The following TMEM45A variants were observed in gnomAD, a reference collection of about 807,000 sequenced individuals.
TMEM45A encodes transmembrane protein 45A.
In TMEM45A, 25 loss-of-function variants were observed where a neutral mutation model predicts 32.0. That is an observed-to-expected ratio of 0.78 (90% CI 0.57 to 1.09). The LOEUF is 1.09. TMEM45A is among the 50% of genes least tolerant of loss of function. TMEM45A has a pLI of 0.00. For missense variants in TMEM45A, 302 were observed against 325.0 expected, an observed-to-expected ratio of 0.93 and a Z score of 0.54; for synonymous variants, 122 against 114.8, an observed-to-expected ratio of 1.06 and a Z score of -0.40.
chr3:100,575,996 C>T (rs1384117630), intron 5 of TMEM45A, among the ~76,000 whole-genome samples: 1 of 152,156 alleles, frequency 6.6e-6, no homozygotes, highest in African/African-American at 2.4e-5. Flanking sequence ...CACAGCCCAG[C>T]GATTCTCTTA....
chr3:100,552,431 C>A (rs1367890953), intron 1 of TMEM45A, among the ~76,000 whole-genome samples: 1 of 152,180 alleles, frequency 6.6e-6, no homozygotes, highest in Non-Finnish European at 1.5e-5. Context: ...GGAAGGATTT[C>A]TCCAAGCAGG....
Position 100,558,549 on chromosome 3 carries a change from G to A in TMEM45A, c.548G>A (p.Arg183Gln), listed in dbSNP as rs868556710. The part of the protein sequence containing the change: ...VRNNVLLELL[R>Q]SSLILLQGSW... The stretch of plus-strand genomic sequence containing the variant: ...AACAATGTACTTCTGGAGCTATTGC[G>A]GTCAAGTCTCATTCTGCTTCAGGGG... The change falls in exon 4 of 6, where the codon CGG (arginine) becomes CAG (glutamine). Residue 183 changes from arginine to glutamine, a missense_variant. By Grantham distance (43) the Arg-to-Gln change is conservative. Transcript: ENST00000323523. The A allele has an allele frequency of 1.2e-5, 20 of 1,613,956 alleles. No individual in the cohort carries two copies. The highest frequency in any genetic ancestry group is 1.6e-5 in the Non-Finnish European group (19 of 1,179,986).
chr3:100,568,113 G>A (rs1196641019), intron 4 of TMEM45A, among the ~76,000 whole-genome samples: 1 of 152,058 alleles, frequency 6.6e-6, no homozygotes, highest in Non-Finnish European at 1.5e-5. Context: ...TTATTTTTGA[G>A]TTCATTGCTT....
intron 1 of TMEM45A, among the ~76,000 whole-genome samples, chr3:100,514,398 G>C (rs1273591282): frequency 4.6e-5 from 7 of 152,056 alleles, no homozygotes; most frequent in Non-Finnish European, 8.8e-5. Flanking sequence ...TTTAATATAT[G>C]GTGCTGGGAA....
At chr3:100,525,819 A>G (rs555439717) in intron 1 of TMEM45A, among the ~76,000 whole-genome samples, 1 of 152,312 alleles carries the variant, frequency 6.6e-6, no homozygotes, top group East Asian at 1.9e-4. Flanking sequence ...CAGGACAGGC[A>G]TGTGCTCTAG....
At chr3:100,495,233 T>G (rs1294594111) in intron 1 of TMEM45A, among the ~76,000 whole-genome samples, 1 of 152,166 alleles carries the variant, frequency 6.6e-6, no homozygotes, top group Non-Finnish European at 1.5e-5. Flanking sequence ...GGTTCTGAAA[T>G]GCAGGGAATA....
chr3:100,511,808 G>A (rs922857747), intron 1 of TMEM45A, among the ~76,000 whole-genome samples: 6 of 151,972 alleles, frequency 3.9e-5, no homozygotes, highest in African/African-American at 1.5e-4. Flanking sequence ...AACAAAAAAA[G>A]GCAGGGGTTG....
At chr3:100,496,126 A>G (rs1335973289) in intron 1 of TMEM45A, among the ~76,000 whole-genome samples, 1 of 152,148 alleles carries the variant, frequency 6.6e-6, no homozygotes, top group Non-Finnish European at 1.5e-5. Context: ...TTCAGGCAAG[A>G]CATTGAACCC....
chr3:100,547,570 TGAG>T (rs144254352), intron 1 of TMEM45A, among the ~76,000 whole-genome samples: 43 of 151,484 alleles, frequency 2.8e-4, no homozygotes, highest in Middle Eastern at 3.4e-3. Flanking sequence ...TTGAATAGGC[TGAG>T]GAGGAGGAGG....
intron 1 of TMEM45A, among the ~76,000 whole-genome samples, chr3:100,523,794 T>TCTCCTTCTC (rs1705486781): frequency 1.8e-5 from 2 of 112,328 alleles, no homozygotes; most frequent in African/African-American, 4.2e-5. Context: ...TCCTCCTTCT[T>TCTCCTTCTC]CTCCTTCTCC....
At chr3:100,535,397 A>G (rs752692690) in intron 1 of TMEM45A, among the ~76,000 whole-genome samples, 29 of 152,140 alleles carry the variant, frequency 1.9e-4, no homozygotes, top group Admixed American at 1.6e-3. Flanking sequence ...TAAATTTCCC[A>G]ACACCAAGAG....
At chr3:100,568,272 CTCTT>C in intron 4 of TMEM45A, among the ~76,000 whole-genome samples, 1 of 152,112 alleles carries the variant, frequency 6.6e-6, no homozygotes, top group South Asian at 2.1e-4. Flanking sequence ...ATATTTTTGC[CTCTT>C]TCTTTCCAGT....
At chr3:100,494,824 G>A (rs1344894032) in intron 1 of TMEM45A, among the ~76,000 whole-genome samples, 3 of 152,096 alleles carry the variant, frequency 2.0e-5, no homozygotes, top group Admixed American at 2.0e-4. Flanking sequence ...AAGTTACTCA[G>A]CCCCCCTGTG....
In TMEM45A at chr3:100,556,929, G is replaced by T. The variant is rs1172888120; in HGVS notation, c.360G>T (p.Val120=). ...ILCFTISSLP[V]SLTKLMLSNA... ...GTTTCACCATCAGTTCACTTCCTGT[G>T]TCCTTAACCAAGTTAATGTTGTCAA... The change falls in exon 3 of 6, where the codon GTG becomes GTT. Residue 120 remains valine, a synonymous_variant. Coordinates refer to ENST00000323523, the MANE Select transcript of TMEM45A (RefSeq NM_018004.3). The T allele has an allele frequency of 7.4e-6, 12 of 1,614,066 alleles. No homozygotes were observed. The highest frequency in any genetic ancestry group is 1.0e-5 in the Non-Finnish European group (12 of 1,180,030).
At chr3:100,508,330 A>G (rs1342584632) in intron 1 of TMEM45A, among the ~76,000 whole-genome samples, 2 of 152,172 alleles carry the variant, frequency 1.3e-5, no homozygotes, top group South Asian at 2.1e-4. Flanking sequence ...GCCCGACAAG[A>G]CTGCATCTTG....
intron 4 of TMEM45A, among the ~76,000 whole-genome samples, chr3:100,566,247 T>C (rs1706435695): frequency 1.3e-5 from 2 of 152,182 alleles, no homozygotes; most frequent in African/African-American, 4.8e-5. Context: ...CAAGTTTTGT[T>C]TGAATACCTA....
At chr3:100,564,980 A>G (rs1195668512) in intron 4 of TMEM45A, among the ~76,000 whole-genome samples, 1 of 152,240 alleles carries the variant, frequency 6.6e-6, no homozygotes, top group African/African-American at 2.4e-5. Flanking sequence ...CTTGTTATCC[A>G]GGTCACTGTC....
chr3:100,493,702 T>C (rs1707883731), intron 1 of TMEM45A, among the ~76,000 whole-genome samples: 1 of 152,170 alleles, frequency 6.6e-6, no homozygotes, highest in African/African-American at 2.4e-5. Context: ...GTATACTCTA[T>C]ATACGCTATA....
chr3:100,494,114 A>G (rs1707889494), intron 1 of TMEM45A, among the ~76,000 whole-genome samples: 1 of 152,232 alleles, frequency 6.6e-6, no homozygotes, highest in South Asian at 2.1e-4. Flanking sequence ...GTTCCGGTAT[A>G]CATTACAGGA....
Sources: allele counts gnomAD v4.1 joint callset (sites outside exome capture counted in the v4.1 genomes callset), GRCh38; gene constraint gnomAD v4.1.1; transcripts MANE v1.5; gene names NCBI Gene and HGNC (gene_info 2026-07-23, HGNC 2026-07-21).